Variants in ZNF684 observed in about 807,000 individuals in gnomAD.
ZNF684 encodes the protein zinc finger protein 684, also known as hypothetical protein MGC27466.
In ZNF684, 13 loss-of-function variants were observed where a neutral mutation model predicts 12.8. The observed-to-expected ratio is 1.02, with a 90% CI of 0.66 to 1.62. ZNF684 has a LOEUF of 1.62. ZNF684 is among the 40% of genes most tolerant of loss of function. ZNF684 has a pLI of 0.00. For missense variants in ZNF684, 384 were observed against 446.9 expected (o/e 0.86, Z 1.27); for synonymous variants, 118 against 151.8 (o/e 0.78, Z 1.64).
chr1:40,534,119 G>A (rs1247607043), intron 2 of ZNF684, among the ~76,000 whole-genome samples: 1 of 151,474 alleles, frequency 6.6e-6, no homozygotes, highest in African/African-American at 2.4e-5. Flanking sequence ...GAACCACTGC[G>A]CCCGGCCAGA....
At chr1:40,545,915 CTTTT>C (rs55993619) in intron 4 of ZNF684, among the ~76,000 whole-genome samples, 1 of 67,904 alleles carries the variant, frequency 1.5e-5, no homozygotes, top group African/African-American at 6.4e-5. Flanking sequence ...GTCTCCTTTT[CTTTT>C]TTTTTTTTTT....
chr1:40,539,980 AAG>A (rs1307567030), intron 2 of ZNF684, among the ~76,000 whole-genome samples: 1 of 151,834 alleles, frequency 6.6e-6, no homozygotes, highest in Admixed American at 6.6e-5. Flanking sequence ...GTTGAATTTT[AAG>A]AGTTACTTAT....
intron 2 of ZNF684, among the ~76,000 whole-genome samples, chr1:40,535,823 G>C (rs999646169): frequency 6.6e-6 from 1 of 152,046 alleles, no homozygotes; most frequent in Non-Finnish European, 1.5e-5. Flanking sequence ...TTTTCATAAA[G>C]GGTGAGATAG....
At chr1:40,539,489 C>G (rs1646002819) in intron 2 of ZNF684, among the ~76,000 whole-genome samples, 1 of 152,040 alleles carries the variant, frequency 6.6e-6, no homozygotes, top group South Asian at 2.1e-4. Context: ...GGTGACACAG[C>G]AAGACCCTAT....
Position 40,540,718 on chromosome 1 carries a change from G to A in ZNF684, c.142+6G>A, listed in dbSNP as rs142068431. The A allele has an allele frequency of 2.4e-5, 38 of 1,588,462 alleles. No individual in the cohort carries two copies. The African/African-American group carries it at 3.1e-4, about 13-fold the overall frequency. Reference sequence around the variant, plus strand: ...TAGAAACCTCATCTCAGTGGGTAAGGACAATGAGTGGTAACTTTTCAGTGT... The same window carrying A: ...TAGAAACCTCATCTCAGTGGGTAAGAACAATGAGTGGTAACTTTTCAGTGT... On this transcript the variant is annotated splice_donor_region_variant and intron_variant, in intron 3 of 4. Transcript: ENST00000372699.
At chr1:40,537,741 TCAAAAAAAAA>T (rs1340838018) in intron 2 of ZNF684, among the ~76,000 whole-genome samples, 1 of 150,520 alleles carries the variant, frequency 6.6e-6, no homozygotes, top group Admixed American at 6.6e-5. Context: ...AGACTCCGTC[TCAAAAAAAAA>T]AAATAACAAT....
Position 40,547,002 on chromosome 1 carries a change from A to G in ZNF684, c.679A>G (p.Lys227Glu). The part of the protein sequence containing the change: ...CNDCGKAFMH[K>E]AQLVVHQRLH... ...TGATTGTGGGAAGGCGTTTATGCAT[A>G]AAGCCCAACTCGTGGTCCACCAGAG... The change falls in exon 5 of 5, where the codon AAA becomes GAA. Residue 227 changes from lysine to glutamate, a missense_variant. Transcript: ENST00000372699. 1 of 1,614,128 alleles carries G rather than the reference A, an allele frequency of 6.2e-7. No individual in the cohort carries two copies. Among genetic ancestry groups the G allele is most frequent in the Non-Finnish European group, 8.5e-7 (1 of 1,179,964 alleles).
chr1:40,537,737 C>T (rs189735634), intron 2 of ZNF684, among the ~76,000 whole-genome samples: 17 of 151,148 alleles, frequency 1.1e-4, no homozygotes, highest in Non-Finnish European at 1.6e-4. Context: ...AGCAAGACTC[C>T]GTCTCAAAAA....
At chr1:40,534,141 G>A (rs931929502) in intron 2 of ZNF684, among the ~76,000 whole-genome samples, 4 of 150,904 alleles carry the variant, frequency 2.7e-5, no homozygotes, top group Admixed American at 6.6e-5. Flanking sequence ...ATTCTTATTA[G>A]GATTGCATTA....
At chr1:40,535,387 C>T (rs375178593) in intron 2 of ZNF684, among the ~76,000 whole-genome samples, 2 of 152,030 alleles carry the variant, frequency 1.3e-5, no homozygotes, top group East Asian at 3.8e-4. Flanking sequence ...TTTTTATCTG[C>T]ATTTGGTTGT....
At position 40,547,211 on chromosome 1, in the gene ZNF684, G is replaced by T; in HGVS notation, c.888G>T (p.Glu296Asp). The change falls in exon 5 of 5, where the codon GAG (glutamate) becomes GAT (aspartate). Residue 296 changes from glutamate (E) to aspartate (D), a missense_variant. Coordinates refer to ENST00000372699, the MANE Select transcript of ZNF684 (RefSeq NM_152373.4). ...AACATTCCAGATTTCATACAGGAGA[G>T]AAACCCTACCAGTGTATCATATGTG... ...LYKHSRFHTGEKPYQCIICGK... is the reference protein window; with the variant it reads ...LYKHSRFHTGDKPYQCIICGK... 2 of 1,614,186 alleles carry T rather than the reference G, an allele frequency of 1.2e-6. No individual in the cohort carries two copies. The highest frequency in any genetic ancestry group is 1.7e-6 in the Non-Finnish European group (2 of 1,180,038).
In ZNF684 at chr1:40,547,500, T is replaced by C. The variant is rs1646056149; in HGVS notation, c.*40T>C. On this transcript the variant is annotated 3_prime_UTR_variant, in exon 5 of 5. Transcript: ENST00000372699. ...ATATGAGAAGGCCTTATTAAATATT[T>C]GCTAAATCTTATTAAATACTAAAGA... is the stretch of plus-strand genomic sequence containing the variant. 6.7e-7 allele frequency: 1 copy of C among 1,493,764 alleles called. No homozygotes were observed. The highest frequency in any genetic ancestry group is 9.0e-7 in the Non-Finnish European group (1 of 1,116,918). The allele number at this position is 1,493,764 out of a possible 1,614,324, so 92.5% of individuals were successfully genotyped here.
At chr1:40,543,540 T>C (rs923569672) in intron 4 of ZNF684, among the ~76,000 whole-genome samples, 6 of 150,942 alleles carry the variant, frequency 4.0e-5, no homozygotes, top group African/African-American at 1.5e-4. Flanking sequence ...CACTGCAAGC[T>C]CCGCCTCCCG....
intron 2 of ZNF684, among the ~76,000 whole-genome samples, chr1:40,533,785 A>AATATTGTC (rs1352061303): frequency 1.3e-5 from 2 of 151,836 alleles, no homozygotes; most frequent in African/African-American, 2.4e-5. Flanking sequence ...CAAAATAACA[A>AATATTGTC]ATATTGTCAA....
At position 40,541,715 on chromosome 1, in the gene ZNF684, G is replaced by A. The variant is rs1320939016; in HGVS notation, c.238+5G>A. ...ATCCACACGAGAGCTCTCCAGGTGA[G>A]TGAGAGAAATTCAGATGGGGCTGTG... On this transcript the variant is annotated splice_donor_5th_base_variant and intron_variant, in intron 4 of 4. Transcript: ENST00000372699. 6.2e-7 allele frequency: 1 copy of A among 1,611,274 alleles called. No homozygotes were observed. Among genetic ancestry groups the A allele is most frequent in the South Asian group, 1.1e-5 (1 of 90,820 alleles).
chr1:40,541,376 G>A (rs1451130579), intron 3 of ZNF684: 2 of 286,250 alleles, frequency 7.0e-6, no homozygotes, highest in East Asian at 7.0e-5. Context: ...GCAGAGACAG[G>A]GTCTCACTGT....
rs760542843 is a variant in ZNF684, at chr1:40,546,665, G to A, written c.342G>A (p.Glu114=). The A allele has an allele frequency of 6.8e-6, 11 of 1,607,286 alleles. No individual in the cohort carries two copies. In the Admixed American group the frequency reaches 1.9e-4, roughly 28 times the overall value. ...CATTCAATAAAATTCTGACTATGGAGAGAATCCACCATTATAATATGAGCA... is the reference window on the plus strand; with the variant it reads ...CATTCAATAAAATTCTGACTATGGAAAGAATCCACCATTATAATATGAGCA... ...LLTFNKILTM[E]RIHHYNMSTS... The change falls in exon 5 of 5, where the codon GAG becomes GAA. Residue 114 remains glutamate (E), a synonymous_variant. Transcript: ENST00000372699.
In ZNF684 at chr1:40,534,348, C is replaced by G. The variant is rs905321827; in HGVS notation, c.15+1167C>G. Among the ~76,000 whole-genome samples the G allele has an allele frequency of 4.2e-5, 6 of 143,222 alleles. No homozygotes were observed. In the Admixed American group the frequency reaches 4.4e-4, roughly 11 times the overall value. 94.0% of individuals were successfully genotyped at this position (143,222 alleles called of 152,430 possible). A position where few individuals can be genotyped will look rare whatever the true frequency, so the allele number is the denominator to read the frequency against. ...CTCCATCTCCTGAGTTCAAGTGATT[C>G]TCCTGCCTCAGCTTCCTGAGTAGGT... On this transcript the variant is annotated intron_variant, in intron 2 of 4. Coordinates refer to ENST00000372699, the MANE Select transcript of ZNF684 (RefSeq NM_152373.4).
chr1:40,541,103 T>C (rs72672442), intron 3 of ZNF684, among the ~76,000 whole-genome samples: 1 of 151,784 alleles, frequency 6.6e-6, no homozygotes, highest in Non-Finnish European at 1.5e-5. Flanking sequence ...GGCCCTACAT[T>C]TTAGTTGTCA....
Sources: allele counts gnomAD v4.1 joint callset (sites outside exome capture counted in the v4.1 genomes callset), GRCh38; gene constraint gnomAD v4.1.1; transcripts MANE v1.5; gene names NCBI Gene and HGNC (gene_info 2026-07-23, HGNC 2026-07-21).